The following CADM2 variants were observed in gnomAD, a reference collection of about 807,000 sequenced individuals.
CADM2 encodes the protein cell adhesion molecule 2, also known as immunoglobulin superfamily member 4D.
A neutral mutation model predicts 49.8 loss-of-function variants in CADM2; 12 were observed. That is an observed-to-expected ratio of 0.24 (90% CI 0.15 to 0.39). CADM2 has a LOEUF of 0.39. Ranked by LOEUF, CADM2 falls within the 10% of genes least tolerant of loss-of-function variation. The probability of loss-of-function intolerance (pLI) is 1.00; values close to 1 mark genes in which losing one functional copy is unlikely to be tolerated. For synonymous variants in CADM2, 214 were observed against 175.4 expected (o/e 1.22, Z -1.74); for missense variants, 378 against 492.3 (o/e 0.77, Z 2.20).
chr3:85,051,180 A>G (rs1352467710), intron 1 of CADM2, among the ~76,000 whole-genome samples: 1 of 152,232 alleles, frequency 6.6e-6, no homozygotes, highest in Non-Finnish European at 1.5e-5. Context: ...AGTTAACGTC[A>G]TTAAGTGACT....
At chr3:85,890,976 T>C (rs1714356018) in intron 5 of CADM2, among the ~76,000 whole-genome samples, 1 of 152,198 alleles carries the variant, frequency 6.6e-6, no homozygotes, top group Admixed American at 6.5e-5. Context: ...GAGCTTTTAT[T>C]CCAGATTAAG....
intron 1 of CADM2, among the ~76,000 whole-genome samples, chr3:85,014,144 G>A (rs925780358): frequency 7.0e-6 from 1 of 142,466 alleles, no homozygotes; most frequent in Admixed American, 7.2e-5. Flanking sequence ...TATATACGCA[G>A]TGTAATATTG....
intron 3 of CADM2, among the ~76,000 whole-genome samples, chr3:85,849,020 A>C (rs2108285251): frequency 6.6e-6 from 1 of 152,286 alleles, no homozygotes; most frequent in Middle Eastern, 3.4e-3. Context: ...AATAAGTAAA[A>C]ACTATTCACA....
At chr3:86,051,873 A>T (rs73136131) in intron 8 of CADM2, among the ~76,000 whole-genome samples, 27 of 152,162 alleles carry the variant, frequency 1.8e-4, no homozygotes, top group Middle Eastern at 6.8e-3. Flanking sequence ...CCACAATCCA[A>T]TCACCTCCTA....
At chr3:85,136,735 T>G (rs1312423813) in intron 1 of CADM2, among the ~76,000 whole-genome samples, 2 of 151,958 alleles carry the variant, frequency 1.3e-5, no homozygotes, top group African/African-American at 4.8e-5. Context: ...ATTAATGCAT[T>G]TTTAATGACT....
chr3:85,091,116 G>C (rs2037581175), intron 1 of CADM2, among the ~76,000 whole-genome samples: 1 of 152,100 alleles, frequency 6.6e-6, no homozygotes, highest in Admixed American at 6.5e-5. Flanking sequence ...CACATATTAA[G>C]CTTTAAAACA....
At chr3:85,313,937 C>A (rs1417101105) in intron 1 of CADM2, among the ~76,000 whole-genome samples, 1 of 152,202 alleles carries the variant, frequency 6.6e-6, no homozygotes, top group Non-Finnish European at 1.5e-5. Flanking sequence ...GTCACCCAGG[C>A]TGGAGTGCAG....
chr3:85,524,479 T>C (rs1476941229), intron 1 of CADM2, among the ~76,000 whole-genome samples: 2 of 152,164 alleles, frequency 1.3e-5, no homozygotes, highest in African/African-American at 2.4e-5. Context: ...CTTTCTGCCA[T>C]TGTTCAAAGA....
intron 1 of CADM2, among the ~76,000 whole-genome samples, chr3:85,615,309 T>A (rs1223343856): frequency 6.6e-6 from 1 of 151,876 alleles, no homozygotes; most frequent in Admixed American, 6.6e-5. Flanking sequence ...GGATTAATAT[T>A]TTCCAGAAAA....
intron 1 of CADM2, among the ~76,000 whole-genome samples, chr3:85,287,499 A>G (rs925845987): frequency 1.3e-5 from 2 of 152,080 alleles, no homozygotes; most frequent in African/African-American, 4.8e-5. Context: ...ATTGAACACT[A>G]ATGAGATTTC....
intron 1 of CADM2, among the ~76,000 whole-genome samples, chr3:85,335,264 C>G (rs2045047008): frequency 6.6e-6 from 1 of 151,660 alleles, no homozygotes; most frequent in Admixed American, 6.6e-5. Flanking sequence ...ACATCAGTCA[C>G]CTACTAATTT....
chr3:85,360,036 G>T (rs1022675276), intron 1 of CADM2, among the ~76,000 whole-genome samples: 1 of 151,490 alleles, frequency 6.6e-6, no homozygotes, highest in African/African-American at 2.4e-5. Context: ...ATAAAATTAA[G>T]CTGAAAATGT....
chr3:85,792,006 A>C (rs2071366802), intron 2 of CADM2, among the ~76,000 whole-genome samples: 1 of 152,146 alleles, frequency 6.6e-6, no homozygotes, highest in Non-Finnish European at 1.5e-5. Context: ...TACAGGCATA[A>C]GCCACCGCGC....
At chr3:85,902,942 T>C (rs1489366870) in intron 5 of CADM2, among the ~76,000 whole-genome samples, 4 of 151,930 alleles carry the variant, frequency 2.6e-5, no homozygotes, top group Non-Finnish European at 4.4e-5. Flanking sequence ...TATAGTGTTA[T>C]GTCTTTAATA....
intron 1 of CADM2, among the ~76,000 whole-genome samples, chr3:85,335,255 C>T (rs1042087129): frequency 6.6e-6 from 1 of 151,490 alleles, no homozygotes; most frequent in Non-Finnish European, 1.5e-5. Flanking sequence ...GATCATAAAA[C>T]ATCAGTCACC....
At chr3:85,125,082 A>T (rs182572054) in intron 1 of CADM2, among the ~76,000 whole-genome samples, 1 of 152,330 alleles carries the variant, frequency 6.6e-6, no homozygotes, top group East Asian at 1.9e-4. Context: ...AGAGGGAAAC[A>T]TTAAGGCCAT....
At chr3:86,021,131 C>A (rs1314694509) in intron 8 of CADM2, among the ~76,000 whole-genome samples, 1 of 152,134 alleles carries the variant, frequency 6.6e-6, no homozygotes, top group Non-Finnish European at 1.5e-5. Flanking sequence ...TCCTAAGTAG[C>A]TGGAATTACA....
chr3:85,014,676 A>G (rs995926349), intron 1 of CADM2, among the ~76,000 whole-genome samples: 1 of 152,166 alleles, frequency 6.6e-6, no homozygotes, highest in Non-Finnish European at 1.5e-5. Flanking sequence ...AAGATTGCAG[A>G]GGCTATAGTC....
intron 3 of CADM2, among the ~76,000 whole-genome samples, chr3:85,864,335 C>T (rs926180601): frequency 4.6e-5 from 7 of 152,100 alleles, no homozygotes; most frequent in Non-Finnish European, 1.0e-4. Context: ...TTTACATCAA[C>T]GGATTCAGTT....
Sources: gnomAD v4.1 joint callset for allele counts (sites outside exome capture counted in the v4.1 genomes callset) on GRCh38, gnomAD v4.1.1 for gene constraint, MANE v1.5 for transcripts, NCBI Gene and HGNC (gene_info 2026-07-23, HGNC 2026-07-21) for gene names.